CELSR1: variants seen among roughly 807,000 people sequenced by gnomAD.
The protein encoded by CELSR1 is adhesion G protein-coupled receptor C1.
In CELSR1, 110 loss-of-function variants were observed where a neutral mutation model predicts 249.1. The observed-to-expected ratio is 0.44, with a 90% CI of 0.38 to 0.52. The LOEUF (loss-of-function observed/expected upper bound fraction) is 0.52, where lower values mean the gene tolerates loss of function less well. Ranked by LOEUF, CELSR1 falls within the 20% of genes least tolerant of loss-of-function variation. CELSR1 has a pLI of 0.00. For missense variants in CELSR1, 4,109 were observed against 4,296.4 expected, an observed-to-expected ratio of 0.96 and a Z score of 1.22; for synonymous variants, 2,113 against 1,900.0, an observed-to-expected ratio of 1.11 and a Z score of -2.92.
In CELSR1 at chr22:46,377,399, G is replaced by C. The variant is rs112922664; in HGVS notation, c.7384-138C>G. The C allele has an allele frequency of 5.4e-6, 5 of 917,542 alleles. No individual in the cohort carries two copies. In the South Asian group the frequency reaches 8.0e-5, roughly 15 times the overall value. The allele number at this position is 917,542 out of a possible 1,614,324, so 56.8% of individuals were successfully genotyped here. ...AGGATCAGGCTGGGCTGGGGAGGCCGAGTGCTCATGGCTCTGGGCCTGGAA... is the reference window on the plus strand; with the variant it reads ...AGGATCAGGCTGGGCTGGGGAGGCCCAGTGCTCATGGCTCTGGGCCTGGAA... On this transcript the variant is annotated intron_variant, in intron 23 of 34. Coordinates refer to ENST00000674500, the MANE Select transcript of CELSR1 (RefSeq NM_001378328.1).
At position 46,534,696 on chromosome 22, in the gene CELSR1, G is replaced by A. The variant is rs2080831122; in HGVS notation, c.2475C>T (p.Thr825=). The change falls in exon 1 of 35, where the codon ACC becomes ACT. Residue 825 remains threonine (T), a synonymous_variant. Coordinates refer to ENST00000674500, the MANE Select transcript of CELSR1 (RefSeq NM_001378328.1). This position sits in a 1 kb window ranked among gnomAD's most constrained non-coding sequence, Gnocchi z 9.7. Reference sequence around the variant, plus strand: ...GCGGCACGGGGTCCTGAATCACGTAGGTGATGCGGGCATTCTCTCCTGTGT... The same window carrying A: ...GCGGCACGGGGTCCTGAATCACGTAAGTGATGCGGGCATTCTCTCCTGTGT... The part of the protein sequence containing the change: ...DEDTGENARI[T]YVIQDPVPQF... The A allele has an allele frequency of 1.2e-6, 2 of 1,613,476 alleles. No individual in the cohort carries two copies. Among genetic ancestry groups the A allele is most frequent in the Non-Finnish European group, 1.7e-6 (2 of 1,180,050 alleles).
In CELSR1 at chr22:46,438,443, C is replaced by T. The variant is rs545201806; in HGVS notation, c.4406+746G>A. On this transcript the variant is annotated intron_variant, in intron 3 of 34. Coordinates refer to ENST00000674500, the MANE Select transcript of CELSR1 (RefSeq NM_001378328.1). ...CCCACTGCTCCCAAAGTGTCACTGC[C>T]CTGGAAGCTTGGGGAGGCACCTTAT... is the stretch of plus-strand genomic sequence containing the variant. 1.2e-4 allele frequency among the ~76,000 whole-genome samples: 18 copies of T among 152,304 alleles called. No homozygotes were observed. In the South Asian group the frequency reaches 3.7e-3, roughly 32 times the overall value.
intron 1 of CELSR1, among the ~76,000 whole-genome samples, chr22:46,480,465 T>G (rs1403266086): frequency 6.6e-6 from 1 of 152,184 alleles, no homozygotes; most frequent in African/African-American, 2.4e-5. Flanking sequence ...ATTCCACATC[T>G]TAAAATCAAC....
intron 14 of CELSR1, among the ~76,000 whole-genome samples, chr22:46,392,474 A>G (rs535457190): frequency 1.3e-5 from 2 of 152,348 alleles, no homozygotes; most frequent in East Asian, 3.9e-4. Flanking sequence ...CCCAGAAGAG[A>G]TGCTAAAACA....
intron 1 of CELSR1, among the ~76,000 whole-genome samples, chr22:46,531,716 T>C (rs1210464377): frequency 6.6e-6 from 1 of 152,000 alleles, no homozygotes; most frequent in Non-Finnish European, 1.5e-5. Context: ...ATCTGTAAAA[T>C]GAGCAGCAGC....
chr22:46,410,504 G>C lies in CELSR1; in HGVS notation c.4827C>G (p.Asp1609Glu). The C allele has an allele frequency of 6.2e-7, 1 of 1,614,160 alleles. No individual in the cohort carries two copies. Among genetic ancestry groups the C allele is most frequent in the Non-Finnish European group, 8.5e-7 (1 of 1,180,026 alleles). The part of the protein sequence containing the change: ...LLGGVPNLPE[D>E]FPVHNRQFVG... The stretch of plus-strand genomic sequence containing the variant: ...CGAACTGCCGGTTGTGCACTGGGAA[G>C]TCTTCTGGCAGGTTGGGGACACCCC... Residue 1609 changes from aspartate (D) to glutamate (E), a missense_variant, in exon 7 of 35, where the codon GAC becomes GAG. This residue lies in a region of CELSR1 where 453 missense variants were observed against 492.0 expected (regional missense o/e 0.92). Transcript: ENST00000674500. This position sits in a 1 kb window ranked among gnomAD's most constrained non-coding sequence, Gnocchi z 6.8.
rs1456600289 is a variant in CELSR1, at chr22:46,527,814, G to A, written c.3544+5813C>T. 6.6e-6 allele frequency among the ~76,000 whole-genome samples: 1 copy of A among 152,196 alleles called. No individual in the cohort carries two copies. Among genetic ancestry groups the A allele is most frequent in the Non-Finnish European group, 1.5e-5 (1 of 68,038 alleles). ...AAGCAATTTAAGATGGTCCGACCCA[G>A]GCTGGGAGCGGTGGCTCACGCCTGT... On this transcript the variant is annotated intron_variant, in intron 1 of 34. Coordinates refer to ENST00000674500, the MANE Select transcript of CELSR1 (RefSeq NM_001378328.1). The surrounding 1 kb of genome is among the most constrained non-coding windows in gnomAD (Gnocchi z 5.5).
rs552591471 is a variant in CELSR1 at position 46,488,950 on chromosome 22, C to T, written c.3545-24605G>A. 9.2e-5 allele frequency among the ~76,000 whole-genome samples: 14 copies of T among 152,206 alleles called. No homozygotes were observed. The highest frequency in any genetic ancestry group is 5.8e-4 in the East Asian group (3 of 5,150). On this transcript the variant is annotated intron_variant, in intron 1 of 34. Coordinates refer to ENST00000674500, the MANE Select transcript of CELSR1 (RefSeq NM_001378328.1). This position sits in a 1 kb window ranked among gnomAD's most constrained non-coding sequence, Gnocchi z 4.7. ...TTGGGATTACAGGCGGAAGCCACCA[C>T]GCCCAGCCCAGCCCTGCCCTTTTGA...
chr22:46,421,047 T>C (rs2079465941), intron 5 of CELSR1, among the ~76,000 whole-genome samples: 3 of 152,190 alleles, frequency 2.0e-5, no homozygotes, highest in Admixed American at 2.0e-4. Context: ...CCTCCCATCA[T>C]CTACTCTGTG....
Position 46,447,423 on chromosome 22 carries a change from G to A in CELSR1, c.4184-8012C>T, listed in dbSNP as rs890652550. On this transcript the variant is annotated intron_variant, in intron 2 of 34. Transcript: ENST00000674500. This position sits in a 1 kb window ranked among gnomAD's most constrained non-coding sequence, Gnocchi z 4.7. ...CTTACACCCTAGGATTCTGCTTGGAGTCAAAGGCTTGCTGAGTCATTCAAA... is the reference window on the plus strand; with the variant it reads ...CTTACACCCTAGGATTCTGCTTGGAATCAAAGGCTTGCTGAGTCATTCAAA... Among the ~76,000 whole-genome samples, 12 of 152,060 alleles carry A rather than the reference G, an allele frequency of 7.9e-5. No homozygotes were observed. Among genetic ancestry groups the A allele is most frequent in the Non-Finnish European group, 1.6e-4 (11 of 68,010 alleles).
Position 46,441,905 on chromosome 22 carries a change from TG to T in CELSR1, c.4184-2495del, listed in dbSNP as rs2079754389. 6.6e-6 allele frequency among the ~76,000 whole-genome samples: 1 copy of T among 152,208 alleles called. No individual in the cohort carries two copies. Among genetic ancestry groups the T allele is most frequent in the African/African-American group, 2.4e-5 (1 of 41,458 alleles). ...GGCTCACGCCTGTAACCCCAGCACT[TG>T]GGGAGGCTGAGGCGGGTAGATTACC... On this transcript the variant is annotated intron_variant, in intron 2 of 34. Coordinates refer to ENST00000674500, the MANE Select transcript of CELSR1 (RefSeq NM_001378328.1). The surrounding 1 kb of genome is among the most constrained non-coding windows in gnomAD (Gnocchi z 6.1).
chr22:46,483,090 G>A (rs2080281916), intron 1 of CELSR1, among the ~76,000 whole-genome samples: 1 of 152,168 alleles, frequency 6.6e-6, no homozygotes, highest in African/African-American at 2.4e-5. Flanking sequence ...GTGAACTAAG[G>A]ACTTAAGCAG....
chr22:46,422,885 A>G (rs555998337), intron 5 of CELSR1, among the ~76,000 whole-genome samples: 15 of 152,302 alleles, frequency 9.8e-5, no homozygotes, highest in Admixed American at 3.3e-4. Context: ...GGAACACGAA[A>G]TCCACCTCAC....
At chr22:46,373,667 A>T (rs190330865) in intron 24 of CELSR1, among the ~76,000 whole-genome samples, 20 of 50,932 alleles carry the variant, frequency 3.9e-4, no homozygotes, top group East Asian at 8.2e-4. Flanking sequence ...ATGGGGGAGA[A>T]GGGGGAGATG....
chr22:46,518,296 G>A lies in CELSR1; in HGVS notation c.3544+15331C>T, dbSNP rs755374792. Among the ~76,000 whole-genome samples, 3 of 152,234 alleles carry A rather than the reference G, an allele frequency of 2.0e-5. No individual in the cohort carries two copies. The highest frequency in any genetic ancestry group is 2.9e-5 in the Non-Finnish European group (2 of 68,048). ...CTATCACAGCAGACCTTACTGAGGAGTCAGAGCCTGTGGGGGCACCATCAG... is the reference window on the plus strand; with the variant it reads ...CTATCACAGCAGACCTTACTGAGGAATCAGAGCCTGTGGGGGCACCATCAG... On this transcript the variant is annotated intron_variant, in intron 1 of 34. Coordinates refer to ENST00000674500, the MANE Select transcript of CELSR1 (RefSeq NM_001378328.1). The surrounding 1 kb of genome is among the most constrained non-coding windows in gnomAD (Gnocchi z 5.2).
chr22:46,521,517 G>C (rs1207480458), intron 1 of CELSR1, among the ~76,000 whole-genome samples: 1 of 144,874 alleles, frequency 6.9e-6, no homozygotes. Context: ...AAAAAAAAAA[G>C]ATCTTGTTTT....
At chr22:46,420,500 G>A (rs2079457208) in intron 5 of CELSR1, among the ~76,000 whole-genome samples, 1 of 152,128 alleles carries the variant, frequency 6.6e-6, no homozygotes, top group South Asian at 2.1e-4. Flanking sequence ...GTGTGCACAC[G>A]TGGACACACC....
chr22:46,428,391 G>A lies in CELSR1; in HGVS notation c.4611+5002C>T, dbSNP rs903891836. ...CGTCCCCGGCCAGGTGACGGATGCCGAGTGCCCCTTGGAGACCACCTGCTG... is the reference window on the plus strand; with the variant it reads ...CGTCCCCGGCCAGGTGACGGATGCCAAGTGCCCCTTGGAGACCACCTGCTG... On this transcript the variant is annotated intron_variant, in intron 5 of 34. Transcript: ENST00000674500. The surrounding 1 kb of genome is among the most constrained non-coding windows in gnomAD (Gnocchi z 5.7). Among the ~76,000 whole-genome samples, 4 of 152,186 alleles carry A rather than the reference G, an allele frequency of 2.6e-5. No individual in the cohort carries two copies. Among genetic ancestry groups the A allele is most frequent in the Admixed American group, 6.5e-5 (1 of 15,282 alleles).
chr22:46,461,649 A>AC (rs879804885), intron 2 of CELSR1, among the ~76,000 whole-genome samples: 7 of 152,014 alleles, frequency 4.6e-5, no homozygotes, highest in Non-Finnish European at 8.8e-5. Context: ...GAACTTGGTC[A>AC]CCCCCCAGAA....
Sources: gnomAD v4.1 joint callset for allele counts (sites outside exome capture counted in the v4.1 genomes callset) on GRCh38, gnomAD v4.1.1 for gene constraint, gnomAD v4.1.1 regional missense constraint, Gnocchi (gnomAD v3.1) non-coding constraint, MANE v1.5 for transcripts, NCBI Gene and HGNC (gene_info 2026-07-23, HGNC 2026-07-21) for gene names.